The following MYO15A variants were observed in gnomAD, a reference collection of about 807,000 sequenced individuals.
The protein encoded by MYO15A is unconventional myosin-XV.
A neutral mutation model predicts 394.6 loss-of-function variants in MYO15A; 308 were observed. The observed-to-expected ratio is 0.78, with a 90% CI of 0.71 to 0.86. The LOEUF is 0.86. Among genes scored for constraint, MYO15A ranks in the 40% least tolerant of loss-of-function variants. The probability of loss-of-function intolerance (pLI) is 0.00; values close to 1 mark genes in which losing one functional copy is unlikely to be tolerated. For synonymous variants in MYO15A, 1,957 were observed against 2,003.8 expected, an observed-to-expected ratio of 0.98 and a Z score of 0.62; for missense variants, 4,606 against 4,799.1, an observed-to-expected ratio of 0.96 and a Z score of 1.19.
chr17:18,143,585 G>A lies in MYO15A; in HGVS notation c.5930G>A (p.Cys1977Tyr), dbSNP rs573834958. The change falls in exon 26 of 66, where the codon TGC becomes TAC. Residue 1977 changes from cysteine to tyrosine, a missense_variant. This residue lies in a region of MYO15A where 2,776 missense variants were observed against 3,109.3 expected (regional missense o/e 0.89). Transcript: ENST00000647165. ...CTGAAGCTGAGGGCAGAGTGGAGGT[G>A]CCAGGTGGAGGGGGCGCTGCTGTGG... is the stretch of plus-strand genomic sequence containing the variant. Reference protein sequence around the residue: ...RYLKLRAEWRCQVEGALLWEQ... With the variant: ...RYLKLRAEWRYQVEGALLWEQ... 60 of 1,562,826 alleles carry A rather than the reference G, an allele frequency of 3.8e-5. No individual in the cohort carries two copies. In the South Asian group the frequency reaches 6.0e-4, roughly 16 times the overall value.
intron 17 of MYO15A, among the ~76,000 whole-genome samples, 198 bp downstream of exon 17, chr17:18,138,444 C>T (rs898564314): frequency 4.6e-5 from 7 of 152,214 alleles, no homozygotes; most frequent in Non-Finnish European, 1.0e-4. Flanking sequence ...AGAGAGGCTA[C>T]ACCAGTCTGG....
At chr17:18,151,344 G>A (rs528523158) in intron 39 of MYO15A, 51 bp from the exon 40 acceptor site, 3 of 1,614,186 alleles carry the variant, frequency 1.9e-6, no homozygotes, top group East Asian at 2.2e-5. Flanking sequence ...TGGTGGTGTG[G>A]TTGTGCCCCT....
chr17:18,120,658 G>C lies in MYO15A; in HGVS notation c.1858G>C (p.Glu620Gln). 6.3e-7 allele frequency: 1 copy of C among 1,590,490 alleles called. No homozygotes were observed. Among genetic ancestry groups the C allele is most frequent in the Non-Finnish European group, 8.5e-7 (1 of 1,172,950 alleles). The stretch of plus-strand genomic sequence containing the variant: ...CTACAAGCTGGCTGGCATGGACCCC[G>C]AGAAGCCCGGCACGCCCATCGTGCT... Reference protein sequence around the residue: ...FGYKLAGMDPEKPGTPIVLRR... With the variant: ...FGYKLAGMDPQKPGTPIVLRR... The change falls in exon 2 of 66, where the codon GAG becomes CAG. Residue 620 changes from glutamate to glutamine, a missense_variant. Transcript: ENST00000647165.
rs755820031 is a variant in MYO15A, at chr17:18,139,530, T to G, written c.5134-4T>G. 6.2e-7 allele frequency: 1 copy of G among 1,613,814 alleles called. No homozygotes were observed. The highest frequency in any genetic ancestry group is 8.5e-7 in the Non-Finnish European group (1 of 1,179,880). On this transcript the variant is annotated splice_region_variant and splice_polypyrimidine_tract_variant and intron_variant, in intron 18 of 65. Coordinates refer to ENST00000647165, the MANE Select transcript of MYO15A (RefSeq NM_016239.4). ...ATTACCCAGGCCATTGTTCCCCTTT[T>G]CAGGTGCACAAGTTCCTGGACAAGA...
chr17:18,121,706 G>T lies in MYO15A; in HGVS notation c.2906G>T (p.Gly969Val), dbSNP rs1398800670. The T allele has an allele frequency of 6.2e-7, 1 of 1,606,186 alleles. No homozygotes were observed. Residue 969 changes from glycine (G) to valine (V), a missense_variant, in exon 2 of 66, where the codon GGC (glycine) becomes GTC (valine). By Grantham distance (109) the Gly-to-Val change is moderately radical. Coordinates refer to ENST00000647165, the MANE Select transcript of MYO15A (RefSeq NM_016239.4). The surrounding 1 kb of genome is among the most constrained non-coding windows in gnomAD (Gnocchi z 5.3). ...GAAAACCCCTTTCTCCAGCTCCTGG[G>T]CCCTGTGCCATCCCCCACCCTCCAG... The part of the protein sequence containing the change: ...VPENPFLQLL[G>V]PVPSPTLQPE...
Position 18,173,768 on chromosome 17 carries a change from C to T in MYO15A, c.10351-13C>T. ...CCCACAGGCCTGTCCGGCCCCTCTC[C>T]TCCTACTCCCAGGAATTGATGGTGA... On this transcript the variant is annotated splice_polypyrimidine_tract_variant and intron_variant, in intron 64 of 65. Coordinates refer to ENST00000647165, the MANE Select transcript of MYO15A (RefSeq NM_016239.4). The T allele has an allele frequency of 6.2e-7, 1 of 1,613,876 alleles. No homozygotes were observed. Among genetic ancestry groups the T allele is most frequent in the African/African-American group, 1.3e-5 (1 of 75,068 alleles).
rs778419557 is a variant in MYO15A at position 18,119,751 on chromosome 17, G to A, written c.951G>A (p.Ala317=). The stretch of plus-strand genomic sequence containing the variant: ...ACGACGATTACGAACCCCCATATGC[G>A]CCCCCGTCGGGGTACTCGTCTCCTT... ...YGYDDYEPPY[A]PPSGYSSPYS... Residue 317 remains alanine, a synonymous_variant, in exon 2 of 66, where the codon GCG becomes GCA. Transcript: ENST00000647165. 4 of 1,612,700 alleles carry A rather than the reference G, an allele frequency of 2.5e-6. No individual in the cohort carries two copies. The highest frequency in any genetic ancestry group is 3.4e-6 in the Non-Finnish European group (4 of 1,179,964).
chr17:18,124,374 G>A, intron 2 of MYO15A, 109 bp from the exon 3 acceptor site: 4 of 1,175,584 alleles, frequency 3.4e-6, no homozygotes, highest in South Asian at 1.3e-5. Context: ...CTGGCCTTGG[G>A]GTTCCCTCCC....
chr17:18,176,777 C>T (rs748190865), intron 65 of MYO15A: 3 of 151,936 alleles, frequency 2.0e-5, no homozygotes, highest in Non-Finnish European at 4.4e-5. Flanking sequence ...CTCAAGTGAT[C>T]CACCCGCCTT....
intron 40 of MYO15A, 98 bp downstream of exon 40, chr17:18,151,625 C>A: frequency 1.3e-6 from 2 of 1,506,834 alleles, no homozygotes; most frequent in Non-Finnish European, 1.8e-6. Flanking sequence ...CCCTGCCCAG[C>A]TCCTGTTAGG....
Position 18,179,204 on chromosome 17 carries a change from G to A in MYO15A, c.*334G>A, listed in dbSNP as rs2047056497. 4.4e-5 allele frequency: 19 copies of A among 430,984 alleles called. 1 individual carries two copies. Among genetic ancestry groups the A allele is most frequent in the South Asian group, 4.1e-4 (19 of 45,902 alleles). 26.7% of individuals were successfully genotyped at this position (430,984 alleles called of 1,614,324 possible). A position where few individuals can be genotyped will look rare whatever the true frequency, so the allele number is the denominator to read the frequency against. ...CCTAACTCCTGCCTATGACACAGAA[G>A]CCCCACACCAGTTGCCCAGATGAAC... is the stretch of plus-strand genomic sequence containing the variant. On this transcript the variant is annotated 3_prime_UTR_variant, in exon 66 of 66. Coordinates refer to ENST00000647165, the MANE Select transcript of MYO15A (RefSeq NM_016239.4).
rs766970263 is a variant in MYO15A at position 18,119,442 on chromosome 17, C to T, written c.642C>T (p.Phe214=). 229 of 1,612,466 alleles carry T rather than the reference C, an allele frequency of 1.4e-4. No individual in the cohort carries two copies. The highest frequency in any genetic ancestry group is 1.9e-4 in the Non-Finnish European group (220 of 1,179,986). ...GFLPFEDEAP[F]HHSGSRKSLY... ...TGCCCTTCGAGGACGAGGCCCCATT[C>T]CATCACTCGGGCTCCCGCAAGTCGC... The change falls in exon 2 of 66, where the codon TTC becomes TTT. Residue 214 remains phenylalanine (F), a synonymous_variant. Transcript: ENST00000647165.
chr17:18,131,383 T>C (rs1482440932), intron 9 of MYO15A, 41 bp downstream of exon 9: 3 of 1,612,582 alleles, frequency 1.9e-6, no homozygotes, highest in African/African-American at 2.7e-5. Flanking sequence ...AGCCTTGCAG[T>C]GTCTTCCATG....
chr17:18,130,812 TACTC>T lies in MYO15A; in HGVS notation c.4038+4_4038+7del, dbSNP rs781588653. 1 of 1,476,898 alleles carries T rather than the reference TACTC, an allele frequency of 6.8e-7. No homozygotes were observed. Among genetic ancestry groups the T allele is most frequent in the East Asian group, 2.5e-5 (1 of 40,088 alleles). 91.5% of individuals were successfully genotyped at this position (1,476,898 alleles called of 1,614,324 possible). A position where few individuals can be genotyped will look rare whatever the true frequency, so the allele number is the denominator to read the frequency against. On this transcript the variant is annotated splice_donor_5th_base_variant and intron_variant, in intron 8 of 65. Coordinates refer to ENST00000647165, the MANE Select transcript of MYO15A (RefSeq NM_016239.4). The stretch of plus-strand genomic sequence containing the variant: ...TCCTGGACGCTCTTGAAGATAAAGG[TACTC>T]AGTGTGTGTGTGTGTGTGTGTGTGT...
At position 18,153,867 on chromosome 17, in the gene MYO15A, GC is replaced by G. The variant is rs1567654864; in HGVS notation, c.8064del (p.Trp2689GlyfsTer49). 1 of 1,613,606 alleles carries G rather than the reference GC, an allele frequency of 6.2e-7. No homozygotes were observed. The highest frequency in any genetic ancestry group is 8.5e-7 in the Non-Finnish European group (1 of 1,180,000). On this transcript the variant is annotated frameshift_variant, in exon 43 of 66. Transcript: ENST00000647165. LOFTEE classifies it high-confidence loss of function. This position sits in a 1 kb window ranked among gnomAD's most constrained non-coding sequence, Gnocchi z 4.1. ...TCCCAACTTCTACGGCTATCAGGAC[GC>G]CCCCTGGAAGATCTTCCTGCGCAAA... The part of the protein sequence containing the change: ...INPNFYGYQD[A>X]PWKIFLRKEV...
rs371378170 is a variant in MYO15A at position 18,162,592 on chromosome 17, C to A, written c.9525C>A (p.Ala3175=). 1 of 1,613,960 alleles carries A rather than the reference C, an allele frequency of 6.2e-7. No individual in the cohort carries two copies. Among genetic ancestry groups the A allele is most frequent in the Non-Finnish European group, 8.5e-7 (1 of 1,179,976 alleles). The stretch of plus-strand genomic sequence containing the variant: ...AACTCCCTGCTTCTGCAGGGATCGC[C>A]AAGGCCTGCGAGCAGAACCTGCAGA... ...RTPGLPFQGI[A]KACEQNLQKT... Residue 3175 remains alanine, a synonymous_variant, in exon 58 of 66, where the codon GCC becomes GCA. Coordinates refer to ENST00000647165, the MANE Select transcript of MYO15A (RefSeq NM_016239.4).
At chr17:18,133,145 C>A in intron 11 of MYO15A, 80 bp from the exon 12 acceptor site, 1 of 1,473,122 alleles carries the variant, frequency 6.8e-7, no homozygotes, top group Non-Finnish European at 9.3e-7. Context: ...CACCACACTA[C>A]TGGTCAGGGC....
rs1597800940 is a variant in MYO15A at position 18,148,798 on chromosome 17, A to G, written c.6802A>G (p.Met2268Val). 8 of 1,604,856 alleles carry G rather than the reference A, an allele frequency of 5.0e-6. No individual in the cohort carries two copies. Among genetic ancestry groups the G allele is most frequent in the South Asian group, 1.1e-5 (1 of 89,362 alleles). Residue 2268 changes from methionine to valine, a missense_variant, in exon 33 of 66, where the codon ATG (methionine) becomes GTG (valine). Physicochemically the swap from Met to Val is conservative, Grantham distance 21. Coordinates refer to ENST00000647165, the MANE Select transcript of MYO15A (RefSeq NM_016239.4). This position sits in a 1 kb window ranked among gnomAD's most constrained non-coding sequence, Gnocchi z 4.8. ...TGGCTGGCGCGGCTGGACCGTGGCC[A>G]TGAAGAATGGTGTCCAGTGGGCAGA... ...ADGWRGWTVA[M>V]KNGVQWAELA...
At chr17:18,144,307 C>A (rs2046437237) in intron 28 of MYO15A, among the ~76,000 whole-genome samples, 190 bp from the exon 29 acceptor site, 1 of 152,140 alleles carries the variant, frequency 6.6e-6, no homozygotes, top group Non-Finnish European at 1.5e-5. Context: ...GAAGGTTTAT[C>A]CTGTCCCTAC....
Sources: gnomAD v4.1 joint callset for allele counts (sites outside exome capture counted in the v4.1 genomes callset) on GRCh38, gnomAD v4.1.1 for gene constraint, gnomAD v4.1.1 regional missense constraint, Gnocchi (gnomAD v3.1) non-coding constraint, MANE v1.5 for transcripts, NCBI Gene and HGNC (gene_info 2026-07-23, HGNC 2026-07-21) for gene names.